Variants in PRDM6 observed in about 807,000 individuals in gnomAD.
The protein encoded by PRDM6 is putative histone-lysine N-methyltransferase PRDM6.
PRDM6 carries 25 observed loss-of-function variants against 60.8 expected under a neutral mutation model. The observed-to-expected ratio is 0.41, with a 90% CI of 0.30 to 0.57. The LOEUF is 0.57. Among genes scored for constraint, PRDM6 ranks in the 20% least tolerant of loss-of-function variants. The pLI, the probability that PRDM6 is intolerant of heterozygous loss-of-function variation, is 0.27. For missense variants in PRDM6, 839 were observed against 821.3 expected (o/e 1.02, Z -0.26); for synonymous variants, 407 against 357.4 (o/e 1.14, Z -1.57).
At chr5:123,111,444 A>G (rs1180926911) in intron 3 of PRDM6, among the ~76,000 whole-genome samples, 1 of 152,212 alleles carries the variant, frequency 6.6e-6, no homozygotes, top group Non-Finnish European at 1.5e-5. Context: ...CACGTCTGTA[A>G]TCCCAACACT....
At chr5:123,090,645 CGGCGCCGGCGCCGGCGGGCGCG>C in intron 2 of PRDM6, 39 bp downstream of exon 2, 2 of 446,600 alleles carry the variant, frequency 4.5e-6, no homozygotes, top group East Asian at 7.9e-5. Flanking sequence ...CCCGGGGCGC[CGGCGCCGGCGCCGGCGGGCGCG>C]GGTGCCTGTC....
Position 123,126,608 on chromosome 5 carries a change from A to G in PRDM6, c.900+26647A>G, listed in dbSNP as rs543403975. ...CTGGTGCTTTTTAAGATGCCAGTAG[A>G]TTCTTGGATTCCATGTTGACCAAAT... is the stretch of plus-strand genomic sequence containing the variant. On this transcript the variant is annotated intron_variant, in intron 3 of 7. Transcript: ENST00000407847. 5.3e-4 allele frequency among the ~76,000 whole-genome samples: 81 copies of G among 152,310 alleles called. No individual in the cohort carries two copies. In the South Asian group the frequency reaches 0.016, roughly 30 times the overall value.
At chr5:123,111,973 A>T (rs145472178) in intron 3 of PRDM6, among the ~76,000 whole-genome samples, 1 of 152,096 alleles carries the variant, frequency 6.6e-6, no homozygotes, top group African/African-American at 2.4e-5. Context: ...CTCCCCAGAT[A>T]TAGATAGATG....
intron 6 of PRDM6, among the ~76,000 whole-genome samples, chr5:123,172,174 C>T (rs1235308789): frequency 6.6e-6 from 1 of 152,044 alleles, no homozygotes; most frequent in Admixed American, 6.6e-5. Flanking sequence ...GGAGGGTACA[C>T]AGTGTGCCTA....
At position 123,193,250 on chromosome 5, in the gene PRDM6, T is replaced by C. The variant is rs1156927353; in HGVS notation, c.*6049T>C. On this transcript the variant is annotated 3_prime_UTR_variant, in exon 8 of 8. Coordinates refer to ENST00000407847, the MANE Select transcript of PRDM6 (RefSeq NM_001136239.4). ...TCCTTGTTGGTGCCTTTCTCCCACT[T>C]TGGTACATCACTCCCAACTGAAAAC... The C allele has an allele frequency of 6.6e-6, 1 of 152,228 alleles. No individual in the cohort carries two copies. Among genetic ancestry groups the C allele is most frequent in the Non-Finnish European group, 1.5e-5 (1 of 68,048 alleles). 9.4% of individuals were successfully genotyped at this position (152,228 alleles called of 1,614,324 possible). A position where few individuals can be genotyped will look rare whatever the true frequency, so the allele number is the denominator to read the frequency against.
At chr5:123,135,419 CATT>C (rs1345947858) in intron 3 of PRDM6, among the ~76,000 whole-genome samples, 3 of 152,182 alleles carry the variant, frequency 2.0e-5, no homozygotes, top group African/African-American at 7.2e-5. Flanking sequence ...AGAAAGACAT[CATT>C]AACTGTAAGA....
intron 3 of PRDM6, among the ~76,000 whole-genome samples, chr5:123,114,043 A>G (rs1764375062): frequency 6.6e-6 from 1 of 152,238 alleles, no homozygotes; most frequent in South Asian, 2.1e-4. Context: ...AGTTGGGAGC[A>G]GTGTGCAAAA....
chr5:123,125,987 C>G (rs1764684538), intron 3 of PRDM6, among the ~76,000 whole-genome samples: 2 of 149,380 alleles, frequency 1.3e-5, no homozygotes, highest in African/African-American at 5.0e-5. Context: ...CTTTGTTGTG[C>G]TTATATGTGT....
chr5:123,165,929 G>A (rs1765741965), intron 5 of PRDM6, among the ~76,000 whole-genome samples: 1 of 152,090 alleles, frequency 6.6e-6, no homozygotes, highest in African/African-American at 2.4e-5. Flanking sequence ...TCCTTAATAT[G>A]GTAGCCTATG....
intron 3 of PRDM6, among the ~76,000 whole-genome samples, chr5:123,122,147 T>G (rs540432700): frequency 8.9e-6 from 1 of 112,854 alleles, no homozygotes; most frequent in East Asian, 2.9e-4. Flanking sequence ...TGGGCGACAG[T>G]GCGAGACTCC....
chr5:123,127,368 C>T (rs574224827), intron 3 of PRDM6, among the ~76,000 whole-genome samples: 9 of 152,192 alleles, frequency 5.9e-5, no homozygotes, highest in Non-Finnish European at 1.2e-4. Context: ...CTCCTATTTA[C>T]TGGAAGCATT....
At chr5:123,180,020 A>C in intron 6 of PRDM6, 127 bp from the exon 7 acceptor site, 1 of 908,668 alleles carries the variant, frequency 1.1e-6, no homozygotes, top group Non-Finnish European at 1.6e-6. Context: ...CAGTGGCCAA[A>C]GCTCTATGCC....
In PRDM6 at chr5:123,135,520, A is replaced by G. The variant is rs373969608; in HGVS notation, c.901-20364A>G. On this transcript the variant is annotated intron_variant, in intron 3 of 7. Transcript: ENST00000407847. ...GTATTAAAGACCTGTGGATTTAATA[A>G]AACTTTAGGGTGAACCAATTTATGG... Among the ~76,000 whole-genome samples the G allele has an allele frequency of 4.5e-4, 69 of 152,296 alleles. 1 individual carries two copies. The highest frequency in any genetic ancestry group is 1.6e-3 in the African/African-American group (68 of 41,576).
chr5:123,161,035 T>TCTA (rs1386938434), intron 5 of PRDM6, among the ~76,000 whole-genome samples: 5 of 152,232 alleles, frequency 3.3e-5, no homozygotes, highest in Non-Finnish European at 7.3e-5. Context: ...AGCCTCCCCA[T>TCTA]CTACTAACAT....
chr5:123,138,457 C>T lies in PRDM6; in HGVS notation c.901-17427C>T, dbSNP rs148098504. Among the ~76,000 whole-genome samples the T allele has an allele frequency of 7.3e-3, 1,108 of 152,322 alleles. 16 individuals are homozygous for T. Among genetic ancestry groups the T allele is most frequent in the African/African-American group, 0.026 (1,066 of 41,578 alleles). ...TTATTAAGCACCTATATAATCTCTG[C>T]TCTTTATCAGTGTGTACACAAAGGT... On this transcript the variant is annotated intron_variant, in intron 3 of 7. Coordinates refer to ENST00000407847, the MANE Select transcript of PRDM6 (RefSeq NM_001136239.4).
intron 3 of PRDM6, among the ~76,000 whole-genome samples, chr5:123,151,098 G>A (rs1258897369): frequency 6.6e-6 from 1 of 152,054 alleles, no homozygotes; most frequent in African/African-American, 2.4e-5. Flanking sequence ...TATGTGCTGG[G>A]CCCTGTATTA....
At chr5:123,146,460 A>G (rs1289083493) in intron 3 of PRDM6, among the ~76,000 whole-genome samples, 1 of 152,228 alleles carries the variant, frequency 6.6e-6, no homozygotes, top group African/African-American at 2.4e-5. Context: ...TATTATTTGT[A>G]GGATTATTTT....
intron 2 of PRDM6, among the ~76,000 whole-genome samples, chr5:123,098,390 G>A (rs1019987666): frequency 1.3e-5 from 2 of 152,262 alleles, no homozygotes; most frequent in African/African-American, 4.8e-5. Flanking sequence ...TCGCGCCGGC[G>A]GGCGCCGAGG....
chr5:123,157,865 A>G (rs921877346), intron 4 of PRDM6, among the ~76,000 whole-genome samples: 1 of 152,210 alleles, frequency 6.6e-6, no homozygotes, highest in Non-Finnish European at 1.5e-5. Context: ...AATAATGTTT[A>G]TTGGCATGTG....
Sources: allele counts gnomAD v4.1 joint callset (sites outside exome capture counted in the v4.1 genomes callset), GRCh38; gene constraint gnomAD v4.1.1; transcripts MANE v1.5; gene names NCBI Gene and HGNC (gene_info 2026-07-23, HGNC 2026-07-21).